Variants in ZNF84 observed in about 807,000 individuals in gnomAD.
The protein encoded by ZNF84 is zinc finger protein 84.
Under a neutral mutation model 14.8 loss-of-function variants are expected in ZNF84, and 12 were observed. The ratio of observed to expected loss-of-function variants is 0.81; its 90% CI spans 0.52 to 1.31. The LOEUF is 1.31. Ranked by LOEUF, ZNF84 falls within the 50% of genes most tolerant of loss-of-function variation. The probability of loss-of-function intolerance (pLI) is 0.00; values close to 1 mark genes in which losing one functional copy is unlikely to be tolerated. For synonymous variants in ZNF84, 347 were observed against 291.1 expected (o/e 1.19, Z -1.96); for missense variants, 859 against 878.6 (o/e 0.98, Z 0.28).
At chr12:133,037,727 G>A (rs1953808989) in intron 1 of ZNF84, 182 bp downstream of exon 1, 1 of 152,470 alleles carries the variant, frequency 6.6e-6, no homozygotes, top group South Asian at 2.1e-4. Context: ...GCGGAGCTGC[G>A]CGGATTCTGG....
intron 4 of ZNF84, chr12:133,050,520 T>C: frequency 2.5e-6 from 1 of 398,650 alleles, no homozygotes. Flanking sequence ...ATCTCTGCTT[T>C]CAGGGACCTC....
intron 1 of ZNF84, chr12:133,037,827 C>T (rs1953812300): frequency 1.3e-5 from 2 of 152,002 alleles, no homozygotes; most frequent in Non-Finnish European, 2.9e-5. Context: ...GCGCGTTTAG[C>T]CTCGGGCGCG....
rs749654987 is a variant in ZNF84, at chr12:133,063,215, C to A, written c.*4283C>A. The A allele has an allele frequency of 4.3e-6, 3 of 702,212 alleles. No individual in the cohort carries two copies. The East Asian group carries it at 8.0e-5, about 19-fold the overall frequency. 43.5% of individuals were successfully genotyped at this position (702,212 alleles called of 1,614,324 possible). A position where few individuals can be genotyped will look rare whatever the true frequency, so the allele number is the denominator to read the frequency against. ...GTTCTTCTGGTCTTCATGTTCAGGTCCACCTCTGCCCTTTTCATGTCTTGA... is the reference window on the plus strand; with the variant it reads ...GTTCTTCTGGTCTTCATGTTCAGGTACACCTCTGCCCTTTTCATGTCTTGA... On this transcript the variant is annotated 3_prime_UTR_variant, in exon 5 of 5. Transcript: ENST00000539354.
intron 2 of ZNF84, among the ~76,000 whole-genome samples, chr12:133,043,267 T>A (rs1953916898): frequency 6.6e-6 from 1 of 152,096 alleles, no homozygotes; most frequent in Admixed American, 6.6e-5. Flanking sequence ...AACCTCTGCC[T>A]CTAGGGTTCA....
In ZNF84 at chr12:133,041,437, C is replaced by T. The variant is rs1175584753; in HGVS notation, c.-31C>T. 6.2e-7 allele frequency: 1 copy of T among 1,613,450 alleles called. No homozygotes were observed. The highest frequency in any genetic ancestry group is 1.3e-5 in the African/African-American group (1 of 74,892). Reference sequence around the variant, plus strand: ...AGACGCACAGTAGAACCGATCTCAGCCTTGCTGATCATCTCGTACAGCAGC... The same window carrying T: ...AGACGCACAGTAGAACCGATCTCAGTCTTGCTGATCATCTCGTACAGCAGC... On this transcript the variant is annotated 5_prime_UTR_variant, in exon 2 of 5. Coordinates refer to ENST00000539354, the MANE Select transcript of ZNF84 (RefSeq NM_001289971.2).
intron 4 of ZNF84, among the ~76,000 whole-genome samples, chr12:133,052,708 T>C (rs1022629522): frequency 6.6e-5 from 10 of 152,234 alleles, no homozygotes; most frequent in African/African-American, 2.2e-4. Context: ...TTAATCTTAC[T>C]TCCTTAGAGG....
intron 2 of ZNF84, among the ~76,000 whole-genome samples, chr12:133,043,080 T>C (rs1162526545): frequency 1.3e-5 from 2 of 152,364 alleles, no homozygotes; most frequent in East Asian, 3.9e-4. Context: ...ATTTTGTCTG[T>C]TGTAGTGTAT....
Position 133,063,299 on chromosome 12 carries a change from A to G in ZNF84, c.*4367A>G, listed in dbSNP as rs1420888778. 27 of 700,222 alleles carry G rather than the reference A, an allele frequency of 3.9e-5. 1 individual carries two copies. In the Admixed American group the frequency reaches 4.8e-4, roughly 12 times the overall value. 43.4% of individuals were successfully genotyped at this position (700,222 alleles called of 1,614,324 possible). A position where few individuals can be genotyped will look rare whatever the true frequency, so the allele number is the denominator to read the frequency against. On this transcript the variant is annotated 3_prime_UTR_variant, in exon 5 of 5. Coordinates refer to ENST00000539354, the MANE Select transcript of ZNF84 (RefSeq NM_001289971.2). Reference sequence around the variant, plus strand: ...CCTAATAAATTCTCATGTTTGCTTCATCTGGCTCAAGTTGTGTTTGTTACA... The same window carrying G: ...CCTAATAAATTCTCATGTTTGCTTCGTCTGGCTCAAGTTGTGTTTGTTACA...
chr12:133,046,549 T>C (rs1187772943), intron 2 of ZNF84, among the ~76,000 whole-genome samples: 1 of 151,960 alleles, frequency 6.6e-6, no homozygotes, highest in Admixed American at 6.6e-5. Flanking sequence ...TGCTCTCCTT[T>C]ATTTCTTAGT....
At chr12:133,048,462 G>A in intron 3 of ZNF84, 1 of 298,056 alleles carries the variant, frequency 3.4e-6, no homozygotes, top group Non-Finnish European at 6.4e-6. Flanking sequence ...CTGATGAGAA[G>A]ATCGAGGCCA....
At position 133,057,237 on chromosome 12, in the gene ZNF84, T is replaced by C. The variant is rs1483848286; in HGVS notation, c.522T>C (p.Asp174=). 1.9e-5 allele frequency: 30 copies of C among 1,613,994 alleles called. No homozygotes were observed. The East Asian group carries it at 6.2e-4, about 34-fold the overall frequency. The change falls in exon 5 of 5, where the codon GAT becomes GAC. Residue 174 remains aspartate, a synonymous_variant. Coordinates refer to ENST00000539354, the MANE Select transcript of ZNF84 (RefSeq NM_001289971.2). The part of the protein sequence containing the change: ...FFLHSKPEDT[D]TWLKYYDCDK... ...TCCATTCCAAGCCTGAGGATACTGA[T>C]ACCTGGTTAAAATACTATGACTGTG...
intron 4 of ZNF84, chr12:133,050,403 A>G (rs1954051307): frequency 2.5e-6 from 1 of 398,094 alleles, no homozygotes; most frequent in South Asian, 1.3e-4. Flanking sequence ...GACCAATCTT[A>G]TGCTTTCAGC....
rs1181618131 is a variant in ZNF84 at position 133,061,719 on chromosome 12, C to T, written c.*2787C>T. 6.6e-6 allele frequency: 1 copy of T among 152,146 alleles called. No homozygotes were observed. The highest frequency in any genetic ancestry group is 1.5e-5 in the Non-Finnish European group (1 of 68,032). 9.4% of individuals were successfully genotyped at this position (152,146 alleles called of 1,614,324 possible). A position where few individuals can be genotyped will look rare whatever the true frequency, so the allele number is the denominator to read the frequency against. On this transcript the variant is annotated 3_prime_UTR_variant, in exon 5 of 5. Coordinates refer to ENST00000539354, the MANE Select transcript of ZNF84 (RefSeq NM_001289971.2). ...ATACTTCCTACACTAGATAATGGAA[C>T]TTCAACATTAGCCTATTGATTGCCC...
At chr12:133,051,243 T>A (rs1954063825) in intron 4 of ZNF84, among the ~76,000 whole-genome samples, 1 of 152,148 alleles carries the variant, frequency 6.6e-6, no homozygotes, top group South Asian at 2.1e-4. Context: ...GATTACAAAG[T>A]AAGACCAGAA....
At chr12:133,056,127 AATC>A (rs1455044906) in intron 4 of ZNF84, among the ~76,000 whole-genome samples, 128 of 152,290 alleles carry the variant, frequency 8.4e-4, no homozygotes, top group African/African-American at 2.7e-3. Context: ...TGAAATGACT[AATC>A]ATTCTTTCAA....
At chr12:133,043,533 G>T (rs1953922730) in intron 2 of ZNF84, among the ~76,000 whole-genome samples, 1 of 152,030 alleles carries the variant, frequency 6.6e-6, no homozygotes, top group East Asian at 1.9e-4. Context: ...ATGGTGACAG[G>T]TTACTTTGAT....
At chr12:133,038,990 C>T (rs1019420768) in intron 1 of ZNF84, 93 of 152,296 alleles carry the variant, frequency 6.1e-4, no homozygotes, top group African/African-American at 2.1e-3. Context: ...TAGTTTCCAT[C>T]ATCCTAAGAA....
Position 133,057,293 on chromosome 12 carries a change from A to T in ZNF84, c.578A>T (p.Gln193Leu), listed in dbSNP as rs1353812957. The change falls in exon 5 of 5, where the codon CAG becomes CTG. Residue 193 changes from glutamine (Q) to leucine (L), a missense_variant. Physicochemically the swap from Gln to Leu is moderately radical, Grantham distance 113. Coordinates refer to ENST00000539354, the MANE Select transcript of ZNF84 (RefSeq NM_001289971.2). The part of the protein sequence containing the change: ...DKYKESYKKS[Q>L]IIIYHRNRLG... ...TATAAAGAGAGCTATAAAAAGTCAC[A>T]GATTATCATATATCATAGAAATCGT... 8 of 1,613,342 alleles carry T rather than the reference A, an allele frequency of 5.0e-6. No individual in the cohort carries two copies. The highest frequency in any genetic ancestry group is 1.3e-5 in the African/African-American group (1 of 74,864).
intron 2 of ZNF84, among the ~76,000 whole-genome samples, chr12:133,045,697 A>AT (rs1219697078): frequency 5.3e-5 from 8 of 151,686 alleles, no homozygotes; most frequent in Non-Finnish European, 7.4e-5. Context: ...AAGTGATGTG[A>AT]TTTTTTTTCT....
Sources: gnomAD v4.1 joint callset for allele counts (sites outside exome capture counted in the v4.1 genomes callset) on GRCh38, gnomAD v4.1.1 for gene constraint, MANE v1.5 for transcripts, NCBI Gene and HGNC (gene_info 2026-07-23, HGNC 2026-07-21) for gene names.